The following ADGRB3 variants were observed in gnomAD, a reference collection of about 807,000 sequenced individuals.
The protein encoded by ADGRB3 is adhesion G protein-coupled receptor B3.
ADGRB3 carries 37 observed loss-of-function variants against 193.4 expected under a neutral mutation model. The ratio of observed to expected loss-of-function variants is 0.19; its 90% confidence interval spans 0.15 to 0.25. The LOEUF (loss-of-function observed/expected upper bound fraction) is 0.25. Among genes scored for constraint, ADGRB3 ranks in the 10% least tolerant of loss-of-function variants. The pLI, the probability that ADGRB3 is intolerant of heterozygous loss-of-function variation, is 1.00. For synonymous variants in ADGRB3, 690 were observed against 644.2 expected (o/e 1.07, Z -1.08); for missense variants, 1,637 against 1,852.9 (o/e 0.88, Z 2.14).
chr6:69,107,718 G>T (rs1439408051), intron 17 of ADGRB3, among the ~76,000 whole-genome samples: 1 of 152,118 alleles, frequency 6.6e-6, no homozygotes, highest in Non-Finnish European at 1.5e-5. Context: ...GCCATAAAAA[G>T]AATGAAATCA....
At chr6:69,127,631 G>A (rs1394955943) in intron 17 of ADGRB3, among the ~76,000 whole-genome samples, 2 of 152,132 alleles carry the variant, frequency 1.3e-5, no homozygotes, top group South Asian at 2.1e-4. Flanking sequence ...AACATAGCTG[G>A]ATCTTGGTGA....
intron 11 of ADGRB3, among the ~76,000 whole-genome samples, chr6:69,003,777 A>G (rs1375391377): frequency 6.6e-6 from 1 of 152,186 alleles, no homozygotes; most frequent in Non-Finnish European, 1.5e-5. Flanking sequence ...TCACAACCCA[A>G]CATGGTTAAA....
intron 17 of ADGRB3, among the ~76,000 whole-genome samples, chr6:69,152,731 T>C (rs1474907593): frequency 6.6e-6 from 1 of 152,176 alleles, no homozygotes; most frequent in African/African-American, 2.4e-5. Flanking sequence ...TTTAAGAAAA[T>C]TTTTAGTGGC....
chr6:68,727,868 C>T (rs934594007), intron 3 of ADGRB3, among the ~76,000 whole-genome samples: 2 of 151,554 alleles, frequency 1.3e-5, no homozygotes, highest in Admixed American at 6.6e-5. Context: ...TCGTTCTCAT[C>T]CTCAATCAGC....
intron 3 of ADGRB3, among the ~76,000 whole-genome samples, chr6:68,643,909 G>A (rs1768142359): frequency 6.7e-6 from 1 of 150,074 alleles, no homozygotes; most frequent in African/African-American, 2.5e-5. Flanking sequence ...TCCAGCCTGG[G>A]TGACAGAGCA....
chr6:69,233,079 C>A (rs1766182817), intron 17 of ADGRB3: 2 of 641,888 alleles, frequency 3.1e-6, no homozygotes, highest in African/African-American at 1.9e-5. Context: ...CTCTGCACGC[C>A]GCACCGCCGC....
At position 68,681,503 on chromosome 6, in the gene ADGRB3, C is replaced by T. The variant is rs147124677; in HGVS notation, c.757+42071C>T. On this transcript the variant is annotated intron_variant, in intron 3 of 31. Coordinates refer to ENST00000370598, the MANE Select transcript of ADGRB3 (RefSeq NM_001704.3). Reference sequence around the variant, plus strand: ...CGATGTTGCTCAGTCTGGTCTCAAACTTCCGGCCTCAAGAAGTCCTTTCAC... The same window carrying T: ...CGATGTTGCTCAGTCTGGTCTCAAATTTCCGGCCTCAAGAAGTCCTTTCAC... Among the ~76,000 whole-genome samples, 481 of 152,122 alleles carry T rather than the reference C, an allele frequency of 3.2e-3. 4 individuals carry two copies. The highest frequency in any genetic ancestry group is 0.011 in the African/African-American group (470 of 41,494).
intron 3 of ADGRB3, among the ~76,000 whole-genome samples, chr6:68,846,667 G>A (rs944110507): frequency 1.3e-5 from 2 of 152,230 alleles, no homozygotes; most frequent in African/African-American, 4.8e-5. Flanking sequence ...GTCAAGAATT[G>A]AGGTTTGGGA....
chr6:69,004,628 T>C (rs998051313), intron 11 of ADGRB3, among the ~76,000 whole-genome samples: 3 of 146,836 alleles, frequency 2.0e-5, no homozygotes, highest in Non-Finnish European at 3.0e-5. Context: ...GTGTTCTCAT[T>C]GTTCAGTTCC....
chr6:69,164,248 C>T (rs1399954708), intron 17 of ADGRB3, among the ~76,000 whole-genome samples: 2 of 152,008 alleles, frequency 1.3e-5, no homozygotes, highest in African/African-American at 4.8e-5. Flanking sequence ...TTTCCCCCTA[C>T]ACCTAGCACA....
intron 17 of ADGRB3, among the ~76,000 whole-genome samples, chr6:69,122,500 A>AGGGGGGG (rs1773740057): frequency 3.8e-5 from 2 of 52,794 alleles, no homozygotes; most frequent in African/African-American, 6.5e-5. Flanking sequence ...GGGGAGGGGG[A>AGGGGGGG]GAGGGAGAGG....
chr6:68,661,526 TATATGTGTATAC>T (rs1657473267), intron 3 of ADGRB3, among the ~76,000 whole-genome samples: 1 of 108,354 alleles, frequency 9.2e-6, no homozygotes, highest in East Asian at 2.9e-4. Flanking sequence ...TATACATATA[TATATGTGTATAC>T]ATATATATAT....
chr6:68,992,238 G>T (rs1364476309), intron 10 of ADGRB3, among the ~76,000 whole-genome samples: 1 of 152,170 alleles, frequency 6.6e-6, no homozygotes. Context: ...GACCATGGAA[G>T]AAAAGAGGGT....
In ADGRB3 at chr6:69,183,066, A is replaced by T. The variant is rs556507134; in HGVS notation, c.2481-50224A>T. ...CCCCTTACACACATTCTGCTGTTCT[A>T]TGCCAACGAAGCAATTTATAGGACA... On this transcript the variant is annotated intron_variant, in intron 17 of 31. Coordinates refer to ENST00000370598, the MANE Select transcript of ADGRB3 (RefSeq NM_001704.3). Among the ~76,000 whole-genome samples the T allele has an allele frequency of 2.0e-5, 3 of 152,256 alleles. No individual in the cohort carries two copies. In the South Asian group the frequency reaches 6.2e-4, roughly 32 times the overall value.
chr6:69,325,066 G>T, intron 21 of ADGRB3, 44 bp downstream of exon 21: 1 of 1,580,884 alleles, frequency 6.3e-7, no homozygotes, highest in Non-Finnish European at 8.6e-7. Context: ...TCAAAATGAC[G>T]TTGAACACAC....
intron 22 of ADGRB3, among the ~76,000 whole-genome samples, chr6:69,328,249 G>T (rs1768625387): frequency 6.6e-6 from 1 of 152,098 alleles, no homozygotes; most frequent in African/African-American, 2.4e-5. Context: ...TTCCATTGAT[G>T]ATAATGTGTA....
At chr6:69,143,793 T>G (rs1224584726) in intron 17 of ADGRB3, among the ~76,000 whole-genome samples, 3 of 152,204 alleles carry the variant, frequency 2.0e-5, no homozygotes, top group African/African-American at 7.2e-5. Context: ...AGCTCCGTAG[T>G]ATAATTTGAA....
intron 20 of ADGRB3, among the ~76,000 whole-genome samples, chr6:69,297,644 A>G (rs1767858608): frequency 6.6e-6 from 1 of 151,940 alleles, no homozygotes; most frequent in Non-Finnish European, 1.5e-5. Context: ...TAAATCATAC[A>G]ATGTGAAATG....
At chr6:69,305,734 G>A (rs1768055002) in intron 20 of ADGRB3, among the ~76,000 whole-genome samples, 1 of 150,992 alleles carries the variant, frequency 6.6e-6, no homozygotes, top group Non-Finnish European at 1.5e-5. Context: ...ATCCACACTG[G>A]GCTCTTTTTG....
Sources: gnomAD v4.1 joint callset for allele counts (sites outside exome capture counted in the v4.1 genomes callset) on GRCh38, gnomAD v4.1.1 for gene constraint, MANE v1.5 for transcripts, NCBI Gene and HGNC (gene_info 2026-07-23, HGNC 2026-07-21) for gene names.